The following FSD1 variants were observed in gnomAD, a reference collection of about 807,000 sequenced individuals.
FSD1 encodes the protein fibronectin type III and SPRY domain-containing protein 1.
A neutral mutation model predicts 58.2 loss-of-function variants in FSD1; 23 were observed. That is an observed-to-expected ratio of 0.40 (90% confidence interval 0.28 to 0.56). FSD1 has a LOEUF of 0.56. FSD1 is among the 20% of genes least tolerant of loss of function. FSD1 has a pLI of 0.54. For missense variants in FSD1, 563 were observed against 670.8 expected, an observed-to-expected ratio of 0.84 and a Z score of 1.78; for synonymous variants, 265 against 263.4, an observed-to-expected ratio of 1.01 and a Z score of -0.06.
intron 6 of FSD1, 152 bp downstream of exon 6, chr19:4,310,748 G>A: frequency 1.2e-6 from 1 of 855,932 alleles, no homozygotes; most frequent in Non-Finnish European, 1.8e-6. Context: ...CGCCCTGTGG[G>A]GGGTGGAGTT....
intron 4 of FSD1, among the ~76,000 whole-genome samples, chr19:4,308,761 G>A (rs1199404197): frequency 6.6e-5 from 10 of 152,078 alleles, no homozygotes; most frequent in Admixed American, 6.6e-4. Flanking sequence ...GGGAGGCTGA[G>A]GCAGGAGAAT....
chr19:4,312,215 G>A (rs1025832926), intron 7 of FSD1, among the ~76,000 whole-genome samples, 164 bp downstream of exon 7: 4 of 152,180 alleles, frequency 2.6e-5, no homozygotes, highest in East Asian at 3.9e-4. Flanking sequence ...GTGGCCAGGC[G>A]CGGTGGCTCA....
chr19:4,323,021 G>C lies in FSD1; in HGVS notation c.1075G>C (p.Glu359Gln), dbSNP rs765722428. ...GATCGACGGCGGGGAGCATTACTGGGAGGTGCGCTACGAGCCGGACAGCAA... is the reference window on the plus strand; with the variant it reads ...GATCGACGGCGGGGAGCATTACTGGCAGGTGCGCTACGAGCCGGACAGCAA... ...TLIDGGEHYW[E>Q]VRYEPDSKAF... The change falls in exon 11 of 13, where the codon GAG (glutamate) becomes CAG (glutamine). Residue 359 changes from glutamate (E) to glutamine (Q), a missense_variant. Glu to Gln is a conservative substitution (Grantham distance 29). Transcript: ENST00000221856. The surrounding 1 kb of genome is among the most constrained non-coding windows in gnomAD (Gnocchi z 7.7). The C allele has an allele frequency of 1.4e-5, 22 of 1,611,890 alleles. No individual in the cohort carries two copies. In the South Asian group the frequency reaches 2.4e-4, roughly 18 times the overall value.
intron 7 of FSD1, among the ~76,000 whole-genome samples, chr19:4,314,863 A>C (rs1971736489): frequency 6.6e-6 from 1 of 152,158 alleles, no homozygotes; most frequent in Non-Finnish European, 1.5e-5. Context: ...GTCACCACCA[A>C]CACCACGGTC....
At chr19:4,319,459 G>T (rs1971790914) in intron 10 of FSD1, among the ~76,000 whole-genome samples, 1 of 152,182 alleles carries the variant, frequency 6.6e-6, no homozygotes, top group African/African-American at 2.4e-5. Flanking sequence ...AGTTGGTGGA[G>T]GATGGGCAAG....
intron 7 of FSD1, among the ~76,000 whole-genome samples, chr19:4,313,985 G>A (rs903629515): frequency 2.7e-5 from 4 of 150,638 alleles, no homozygotes; most frequent in East Asian, 1.9e-4. Context: ...CAGAGATCGC[G>A]CCACTGCACT....
At chr19:4,317,318 TG>T in intron 8 of FSD1, 38 bp downstream of exon 8, 1 of 1,210,534 alleles carries the variant, frequency 8.3e-7, no homozygotes, top group Non-Finnish European at 1.2e-6. Context: ...CCTAACTCCA[TG>T]GCCCCTTCCT....
rs138229333 is a variant in FSD1 at position 4,321,161 on chromosome 19, G to A, written c.1040-1825G>A. ...TAGCTGGGACTGAGGAGTATCTGGG[G>A]GGAATAGCTGGGACCTGAGGAGCAT... On this transcript the variant is annotated intron_variant, in intron 10 of 12. Transcript: ENST00000221856. 5.0e-3 allele frequency among the ~76,000 whole-genome samples: 750 copies of A among 149,282 alleles called. 1 individual carries two copies. Among genetic ancestry groups the A allele is most frequent in the South Asian group, 0.014 (64 of 4,662 alleles).
intron 10 of FSD1, among the ~76,000 whole-genome samples, chr19:4,319,434 TGAA>T (rs1246530809): frequency 1.3e-5 from 2 of 152,208 alleles, no homozygotes; most frequent in South Asian, 2.1e-4. Context: ...TTGGATCCTG[TGAA>T]GAAGAAGCTG....
intron 4 of FSD1, among the ~76,000 whole-genome samples, chr19:4,309,449 G>C (rs1345793918): frequency 5.9e-5 from 9 of 152,264 alleles, no homozygotes; most frequent in Non-Finnish European, 1.3e-4. Context: ...GAATTTGCCA[G>C]CTGTATGGGC....
In FSD1 at chr19:4,318,865, A is replaced by G. The variant is rs781492432; in HGVS notation, c.960-7A>G. On this transcript the variant is annotated splice_polypyrimidine_tract_variant and splice_region_variant and intron_variant, in intron 9 of 12. Transcript: ENST00000221856. ...TCCTGAGCCTGCCCACTCCCTGCCC[A>G]CCACAGAGGTACTCCATCTCCCAAG... The G allele has an allele frequency of 3.1e-6, 5 of 1,612,886 alleles. No individual in the cohort carries two copies. In the African/African-American group the frequency reaches 5.3e-5, roughly 17 times the overall value.
chr19:4,315,654 A>G (rs1357950822), intron 7 of FSD1, among the ~76,000 whole-genome samples: 1 of 110,170 alleles, frequency 9.1e-6, no homozygotes, highest in Admixed American at 1.3e-4. Context: ...TCTGTCACCC[A>G]GGCTGGAGTG....
rs1477778250 is a variant in FSD1 at position 4,317,192 on chromosome 19, T to C, written c.711T>C (p.Phe237=). 2 of 1,606,904 alleles carry C rather than the reference T, an allele frequency of 1.2e-6. No individual in the cohort carries two copies. The highest frequency in any genetic ancestry group is 1.7e-6 in the Non-Finnish European group (2 of 1,173,584). Residue 237 remains phenylalanine (F), a synonymous_variant, in exon 8 of 13, where the codon TTT becomes TTC. Transcript: ENST00000221856. ...TCTCTTGCCTACCAGGTCTCAAGTT[T>C]GACATGAAATACATGAACTTCCGTG... The part of the protein sequence containing the change: ...QTEYTLTGLK[F]DMKYMNFRVK...
intron 4 of FSD1, among the ~76,000 whole-genome samples, chr19:4,308,186 T>C (rs929577000): frequency 1.3e-5 from 2 of 151,094 alleles, no homozygotes; most frequent in African/African-American, 4.9e-5. Context: ...AGGCAGTGGA[T>C]CACCTGAGGT....
chr19:4,323,373 C>T lies in FSD1; in HGVS notation c.1317C>T (p.Arg439=), dbSNP rs1971727034. The change falls in exon 12 of 13, where the codon CGC becomes CGT. Residue 439 remains arginine, a synonymous_variant. Coordinates refer to ENST00000221856, the MANE Select transcript of FSD1 (RefSeq NM_024333.3). The surrounding 1 kb of genome is among the most constrained non-coding windows in gnomAD (Gnocchi z 7.7). The part of the protein sequence containing the change: ...HQGLLSFYNA[R]TKQVLHTFKT... Reference sequence around the variant, plus strand: ...GCCTCCTGTCCTTCTACAATGCCCGCACCAAACAAGTGCTGCACACTTTCA... The same window carrying T: ...GCCTCCTGTCCTTCTACAATGCCCGTACCAAACAAGTGCTGCACACTTTCA... The T allele has an allele frequency of 6.2e-7, 1 of 1,613,914 alleles. No individual in the cohort carries two copies. Among genetic ancestry groups the T allele is most frequent in the Non-Finnish European group, 8.5e-7 (1 of 1,179,876 alleles).
chr19:4,315,843 G>A (rs542633444), intron 7 of FSD1, among the ~76,000 whole-genome samples: 2 of 150,662 alleles, frequency 1.3e-5, no homozygotes, highest in South Asian at 2.1e-4. Context: ...TGGCCAGGCT[G>A]GTCTCGAACT....
chr19:4,323,203 C>G lies in FSD1; in HGVS notation c.1257C>G (p.Pro419=). The part of the protein sequence containing the change: ...NKVKVLDAPV[P]DCLGVHCDFH... ...TCAAGGTGCTGGACGCCCCCGTGCCCGACTGCCTGGGTGTGCACTGTGACT... is the reference window on the plus strand; with the variant it reads ...TCAAGGTGCTGGACGCCCCCGTGCCGGACTGCCTGGGTGTGCACTGTGACT... The change falls in exon 11 of 13, where the codon CCC becomes CCG. Residue 419 remains proline, a synonymous_variant. Transcript: ENST00000221856. The surrounding 1 kb of genome is among the most constrained non-coding windows in gnomAD (Gnocchi z 7.7). 4 of 1,605,028 alleles carry G rather than the reference C, an allele frequency of 2.5e-6. No individual in the cohort carries two copies. Among genetic ancestry groups the G allele is most frequent in the Non-Finnish European group, 3.4e-6 (4 of 1,179,810 alleles).
rs576609375 is a variant in FSD1 at position 4,313,442 on chromosome 19, G to A, written c.700+1391G>A. Among the ~76,000 whole-genome samples the A allele has an allele frequency of 5.6e-3, 780 of 138,258 alleles. 6 individuals are homozygous for A. Among genetic ancestry groups the A allele is most frequent in the African/African-American group, 0.022 (758 of 35,100 alleles). The allele number at this position is 138,258 out of a possible 152,430, so 90.7% of individuals were successfully genotyped here. ...CTGAAGGGGGAAAGCCTCCTGGGCC[G>A]GGCGTGGTGGCTCACACCTGTACTC... On this transcript the variant is annotated intron_variant, in intron 7 of 12. Transcript: ENST00000221856.
chr19:4,318,570 G>A (rs1249238874), intron 9 of FSD1, 65 bp downstream of exon 9: 18 of 1,419,140 alleles, frequency 1.3e-5, no homozygotes, highest in East Asian at 2.5e-5. Context: ...TGGACACAGA[G>A]CCCAGTGTGG....
Sources: allele counts gnomAD v4.1 joint callset (sites outside exome capture counted in the v4.1 genomes callset), GRCh38; gene constraint gnomAD v4.1.1; non-coding constraint Gnocchi (gnomAD v3.1); transcripts MANE v1.5; gene names NCBI Gene and HGNC (gene_info 2026-07-23, HGNC 2026-07-21).